Variants in ZNF566 observed in about 807,000 individuals in gnomAD.
The protein encoded by ZNF566 is zinc finger protein 566.
In ZNF566, 27 loss-of-function variants were observed where a neutral mutation model predicts 32.8. The ratio of observed to expected loss-of-function variants is 0.82; its 90% CI spans 0.61 to 1.14. The LOEUF is 1.14. ZNF566 is among the 50% of genes most tolerant of loss of function. The pLI, the probability that ZNF566 is intolerant of heterozygous loss-of-function variation, is 0.00. For missense variants in ZNF566, 402 were observed against 490.4 expected, an observed-to-expected ratio of 0.82 and a Z score of 1.70; for synonymous variants, 154 against 159.5, an observed-to-expected ratio of 0.97 and a Z score of 0.26.
intron 1 of ZNF566, among the ~76,000 whole-genome samples, chr19:36,486,112 C>A (rs1162375024): frequency 1.3e-5 from 2 of 151,980 alleles, no homozygotes; most frequent in African/African-American, 4.8e-5. Flanking sequence ...AAATAACTGG[C>A]CAGTACTCTT....
chr19:36,478,433 G>C (rs2033949032), intron 1 of ZNF566, among the ~76,000 whole-genome samples: 1 of 151,854 alleles, frequency 6.6e-6, no homozygotes, highest in South Asian at 2.1e-4. Flanking sequence ...CTGGTTAAAG[G>C]GATGTCTTCA....
Position 36,449,384 on chromosome 19 carries a change from C to T in ZNF566, c.850G>A (p.Glu284Lys). Residue 284 changes from glutamate to lysine, a missense_variant, in exon 5 of 5, where the codon GAA becomes AAA. Physicochemically the swap from Glu to Lys is moderately conservative, Grantham distance 56. Around this residue, in one of 3 missense-constraint regions of ZNF566, gnomAD observed 135 missense variants for 210.0 expected, o/e 0.64. Transcript: ENST00000452939. ...QRIHTGEKPY[E>K]CKECGKAFSS... Reference sequence around the variant, plus strand: ...AAGGCCTTCCCGCATTCTTTGCATTCATAAGGCTTCTCACCTGTGTGAATT... The same window carrying T: ...AAGGCCTTCCCGCATTCTTTGCATTTATAAGGCTTCTCACCTGTGTGAATT... 6.2e-7 allele frequency: 1 copy of T among 1,614,164 alleles called. No homozygotes were observed. The highest frequency in any genetic ancestry group is 8.5e-7 in the Non-Finnish European group (1 of 1,180,024).
In ZNF566 at chr19:36,477,534, TTTGTTTGTTTGTTTG is replaced by T. The variant is rs909480632; in HGVS notation, c.-59-933_-59-919del. Among the ~76,000 whole-genome samples the T allele has an allele frequency of 2.9e-5, 3 of 105,092 alleles. 1 individual carries two copies. The highest frequency in any genetic ancestry group is 2.6e-4 in the Admixed American group (3 of 11,762). The allele number at this position is 105,092 out of a possible 152,430, so 68.9% of individuals were successfully genotyped here. ...ACCAGTTTTCTGTTTCTGTTTTTTT[TTTGTTTGTTTGTTTG>T]TTTTTTTGAGACGGAGTCTTGCTCT... is the stretch of plus-strand genomic sequence containing the variant. On this transcript the variant is annotated intron_variant, in intron 1 of 4. Transcript: ENST00000452939.
chr19:36,460,919 G>A (rs1011296440), intron 4 of ZNF566, among the ~76,000 whole-genome samples: 3 of 152,076 alleles, frequency 2.0e-5, no homozygotes, highest in Non-Finnish European at 4.4e-5. Context: ...TTATTGTGCT[G>A]AAAAAAAGAG....
chr19:36,466,614 A>G (rs1182017493), intron 4 of ZNF566, among the ~76,000 whole-genome samples: 1 of 152,220 alleles, frequency 6.6e-6, no homozygotes, highest in Admixed American at 6.5e-5. Flanking sequence ...AAAAGAAAAG[A>G]TGGATACATT....
In ZNF566 at chr19:36,449,902, C is replaced by G. The variant is rs774309122; in HGVS notation, c.332G>C (p.Arg111Pro). 1 of 1,614,040 alleles carries G rather than the reference C, an allele frequency of 6.2e-7. No homozygotes were observed. The highest frequency in any genetic ancestry group is 8.5e-7 in the Non-Finnish European group (1 of 1,179,986). ...QWEIMEKLTR[R>P]DFQCSSFRDD... ...TCTGAAACTGGAGCACTGAAAATCA[C>G]GTCTTGTGAGTTTTTCCATTATTTC... Residue 111 changes from arginine (R) to proline (P), a missense_variant, in exon 5 of 5, where the codon CGT becomes CCT. Arg to Pro is a moderately radical substitution (Grantham distance 103, BLOSUM62 -2). Around this residue, in one of 3 missense-constraint regions of ZNF566, gnomAD observed 220 missense variants for 241.9 expected, o/e 0.91. Transcript: ENST00000452939.
chr19:36,473,755 T>C (rs1462842999), intron 2 of ZNF566, among the ~76,000 whole-genome samples: 1 of 152,204 alleles, frequency 6.6e-6, no homozygotes, highest in Non-Finnish European at 1.5e-5. Context: ...TGAAATTGTA[T>C]ATGCAATGCC....
In ZNF566 at chr19:36,449,659, A is replaced by T. The variant is rs2033093810; in HGVS notation, c.575T>A (p.Ile192Asn). The T allele has an allele frequency of 6.2e-7, 1 of 1,614,004 alleles. No homozygotes were observed. The highest frequency in any genetic ancestry group is 8.5e-7 in the Non-Finnish European group (1 of 1,180,028). Residue 192 changes from isoleucine to asparagine, a missense_variant, in exon 5 of 5, where the codon ATT (isoleucine) becomes AAT (asparagine). Ile to Asn is a moderately radical substitution (Grantham distance 149). Coordinates refer to ENST00000452939, the MANE Select transcript of ZNF566 (RefSeq NM_001145344.1). The stretch of plus-strand genomic sequence containing the variant: ...TTCATAAGGCTTCTCAATGGTATGA[A>T]TTATCTCATGTGTAGCAAACTGTGA... ...HGSQFATHEI[I>N]HTIEKPYECK... is the part of the protein sequence containing the mutation.
Position 36,447,915 on chromosome 19 carries a change from T to C in ZNF566, c.*1062A>G, listed in dbSNP as rs1160871084. 5 of 152,156 alleles carry C rather than the reference T, an allele frequency of 3.3e-5. No homozygotes were observed. Among genetic ancestry groups the C allele is most frequent in the Non-Finnish European group, 5.9e-5 (4 of 68,016 alleles). 9.4% of individuals were successfully genotyped at this position (152,156 alleles called of 1,614,324 possible). ...TAAAAAGCCTTTCTACAAATAATAA[T>C]ACTGATGATGATGAATATAATAACG... On this transcript the variant is annotated 3_prime_UTR_variant, in exon 5 of 5. Transcript: ENST00000452939.
At chr19:36,467,056 G>A (rs551921946) in intron 4 of ZNF566, among the ~76,000 whole-genome samples, 11 of 147,628 alleles carry the variant, frequency 7.5e-5, no homozygotes, top group South Asian at 4.2e-4. Flanking sequence ...GTGACAGAGC[G>A]AGACTCCGTC....
Position 36,448,945 on chromosome 19 carries a change from G to C in ZNF566, c.*32C>G. The stretch of plus-strand genomic sequence containing the variant: ...ATTCTGTTTTGAGCCATAATTAAAA[G>C]CCTCCCTACACATTTCATATATTCT... On this transcript the variant is annotated 3_prime_UTR_variant, in exon 5 of 5. Coordinates refer to ENST00000452939, the MANE Select transcript of ZNF566 (RefSeq NM_001145344.1). The C allele has an allele frequency of 1.3e-6, 2 of 1,498,658 alleles. No individual in the cohort carries two copies. Among genetic ancestry groups the C allele is most frequent in the South Asian group, 2.8e-5 (2 of 72,412 alleles). The allele number at this position is 1,498,658 out of a possible 1,614,324, so 92.8% of individuals were successfully genotyped here.
At chr19:36,466,700 G>A (rs1468845906) in intron 4 of ZNF566, among the ~76,000 whole-genome samples, 2 of 152,126 alleles carry the variant, frequency 1.3e-5, no homozygotes, top group Non-Finnish European at 1.5e-5. Flanking sequence ...ATTCAGAGTA[G>A]AAAAAGATAC....
At chr19:36,471,458 G>A (rs766527270) in intron 4 of ZNF566, among the ~76,000 whole-genome samples, 4 of 152,050 alleles carry the variant, frequency 2.6e-5, no homozygotes, top group Non-Finnish European at 4.4e-5. Context: ...ACGCACAGCT[G>A]CCTCAGGCCC....
intron 3 of ZNF566, 66 bp from the exon 4 acceptor site, chr19:36,473,072 C>G: frequency 7.1e-7 from 1 of 1,412,742 alleles, no homozygotes; most frequent in Non-Finnish European, 9.8e-7. Flanking sequence ...AATCCAGTCC[C>G]TTCATTATAA....
intron 4 of ZNF566, among the ~76,000 whole-genome samples, chr19:36,464,990 C>T (rs1402358858): frequency 6.6e-6 from 1 of 152,024 alleles, no homozygotes; most frequent in African/African-American, 2.4e-5. Context: ...GAAAACATAT[C>T]TATAAAACAT....
chr19:36,475,286 G>C (rs2033857072), intron 2 of ZNF566, among the ~76,000 whole-genome samples: 1 of 152,084 alleles, frequency 6.6e-6, no homozygotes, highest in African/African-American at 2.4e-5. Flanking sequence ...CAAACCACCA[G>C]CCTCAACCTC....
At chr19:36,484,540 C>T (rs959309573) in intron 1 of ZNF566, among the ~76,000 whole-genome samples, 2 of 150,180 alleles carry the variant, frequency 1.3e-5, no homozygotes, top group African/African-American at 4.9e-5. Flanking sequence ...AATGTTAAAA[C>T]TAATGCGTGA....
At chr19:36,477,477 A>G (rs1320605443) in intron 1 of ZNF566, among the ~76,000 whole-genome samples, 1 of 151,688 alleles carries the variant, frequency 6.6e-6, no homozygotes, top group East Asian at 1.9e-4. Context: ...CAGAGATTAT[A>G]CACATTTTAA....
intron 4 of ZNF566, among the ~76,000 whole-genome samples, chr19:36,468,139 C>T (rs986730298): frequency 3.4e-5 from 5 of 144,928 alleles, no homozygotes; most frequent in Non-Finnish European, 7.4e-5. Context: ...GAGCCGAGAT[C>T]GTGTCATTGC....
Sources: allele counts gnomAD v4.1 joint callset (sites outside exome capture counted in the v4.1 genomes callset), GRCh38; gene constraint gnomAD v4.1.1; regional missense constraint gnomAD v4.1.1; transcripts MANE v1.5; gene names NCBI Gene and HGNC (gene_info 2026-07-23, HGNC 2026-07-21).